Variants in ZNF385B observed in about 807,000 individuals in gnomAD.
ZNF385B encodes the protein zinc finger protein 533.
In ZNF385B, 23 loss-of-function variants were observed where a neutral mutation model predicts 39.2. The ratio of observed to expected loss-of-function variants is 0.59; its 90% CI spans 0.42 to 0.83. The LOEUF (loss-of-function observed/expected upper bound fraction) is 0.83. ZNF385B is among the 40% of genes least tolerant of loss of function. The pLI, the probability that ZNF385B is intolerant of heterozygous loss-of-function variation, is 0.00. For synonymous variants in ZNF385B, 205 were observed against 222.6 expected (o/e 0.92, Z 0.70); for missense variants, 552 against 598.9 (o/e 0.92, Z 0.82).
intron 4 of ZNF385B, among the ~76,000 whole-genome samples, chr2:179,538,012 A>G (rs1322459878): frequency 1.3e-4 from 20 of 152,236 alleles, no homozygotes; most frequent in African/African-American, 4.8e-4. Flanking sequence ...TTTTAGTTCT[A>G]TGCACTCCTT....
chr2:179,465,520 G>A (rs768146464), intron 6 of ZNF385B, among the ~76,000 whole-genome samples: 6 of 152,266 alleles, frequency 3.9e-5, no homozygotes, highest in African/African-American at 9.6e-5. Context: ...TAGTCCTCAC[G>A]TCAATTGATG....
At position 179,482,149 on chromosome 2, in the gene ZNF385B, A is replaced by G. The variant is rs187038097; in HGVS notation, c.715+1123T>C. Among the ~76,000 whole-genome samples the G allele has an allele frequency of 4.6e-4, 70 of 152,316 alleles. No individual in the cohort carries two copies. The Middle Eastern group carries it at 0.01, about 22-fold the overall frequency. On this transcript the variant is annotated intron_variant, in intron 6 of 9. Transcript: ENST00000410066. ...CAGCATCTACAGGGCCTAATCAATAATGGTCCCTTTTTCCATAGTCTCTTT... is the reference window on the plus strand; with the variant it reads ...CAGCATCTACAGGGCCTAATCAATAGTGGTCCCTTTTTCCATAGTCTCTTT...
intron 3 of ZNF385B, among the ~76,000 whole-genome samples, chr2:179,574,916 C>T (rs1483608620): frequency 1.3e-5 from 2 of 152,110 alleles, no homozygotes; most frequent in African/African-American, 4.8e-5. Context: ...TTTCTCTCTC[C>T]AGGCCCTCCT....
At chr2:179,538,711 A>G (rs902699899) in intron 4 of ZNF385B, among the ~76,000 whole-genome samples, 1 of 152,196 alleles carries the variant, frequency 6.6e-6, no homozygotes, top group Non-Finnish European at 1.5e-5. Flanking sequence ...CTCATGTCTC[A>G]GGAAAAAAAT....
chr2:179,544,323 T>TTAA (rs2060095460), intron 4 of ZNF385B, among the ~76,000 whole-genome samples: 1 of 152,214 alleles, frequency 6.6e-6, no homozygotes. Context: ...TTTCTTTTTC[T>TTAA]TAATAGAGTC....
At chr2:179,660,194 T>A (rs1165589085) in intron 3 of ZNF385B, 1 of 152,504 alleles carries the variant, frequency 6.6e-6, no homozygotes, top group Admixed American at 6.5e-5. Context: ...AGATTGAGTG[T>A]GAGCCTTCAC....
chr2:179,840,889 G>A (rs1708501600), intron 1 of ZNF385B, among the ~76,000 whole-genome samples: 1 of 152,198 alleles, frequency 6.6e-6, no homozygotes, highest in Non-Finnish European at 1.5e-5. Context: ...ACTTTGTGAA[G>A]CCCTGGGATA....
intron 4 of ZNF385B, chr2:179,536,521 C>A (rs183753140): frequency 1.4e-4 from 22 of 152,320 alleles, no homozygotes; most frequent in African/African-American, 5.3e-4. Context: ...CCTCTTTTCA[C>A]AGGCTCCTGA....
At chr2:179,624,336 T>A (rs1287339047) in intron 3 of ZNF385B, among the ~76,000 whole-genome samples, 1 of 152,202 alleles carries the variant, frequency 6.6e-6, no homozygotes, top group African/African-American at 2.4e-5. Flanking sequence ...TTTACTAGGA[T>A]GTTCTTTACT....
In ZNF385B at chr2:179,483,323, T is replaced by C. The variant is rs1209997959; in HGVS notation, c.664A>G (p.Asn222Asp). Residue 222 changes from asparagine to aspartate, a missense_variant, in exon 6 of 10, where the codon AAT becomes GAT. Physicochemically the swap from Asn to Asp is conservative, Grantham distance 23. Coordinates refer to ENST00000410066, the MANE Select transcript of ZNF385B (RefSeq NM_152520.6). ...MVPSKDSAKA[N>D]PSCSITPITG... Reference sequence around the variant, plus strand: ...ATTGGAGTGATGGAGCAGCTGGGATTAGCCTTTGCGCTGTCCTTGGAAGGA... The same window carrying C: ...ATTGGAGTGATGGAGCAGCTGGGATCAGCCTTTGCGCTGTCCTTGGAAGGA... The C allele has an allele frequency of 3.1e-6, 5 of 1,613,990 alleles. No individual in the cohort carries two copies. Among genetic ancestry groups the C allele is most frequent in the Admixed American group, 1.7e-5 (1 of 59,986 alleles).
At chr2:179,722,153 G>T (rs1700735810) in intron 3 of ZNF385B, among the ~76,000 whole-genome samples, 1 of 152,084 alleles carries the variant, frequency 6.6e-6, no homozygotes, top group East Asian at 1.9e-4. Context: ...ATAACGAGAT[G>T]TGTGAGCCAT....
intron 3 of ZNF385B, among the ~76,000 whole-genome samples, chr2:179,714,942 C>CAAAAAAAAAAAAAA (rs34449760): frequency 8.8e-5 from 7 of 79,250 alleles, no homozygotes; most frequent in African/African-American, 2.5e-4. Context: ...GATTCTATCT[C>CAAAAAAAAAAAAAA]AAAAAAAAAA....
At chr2:179,517,881 C>G (rs1020469115) in intron 5 of ZNF385B, among the ~76,000 whole-genome samples, 1 of 152,064 alleles carries the variant, frequency 6.6e-6, no homozygotes, top group Non-Finnish European at 1.5e-5. Flanking sequence ...TTATGCTTGA[C>G]AGATAAAATA....
At chr2:179,626,861 T>A (rs36017881) in intron 3 of ZNF385B, among the ~76,000 whole-genome samples, 23,375 of 152,128 alleles carry the variant, frequency 0.15, 1,945 homozygotes, top group East Asian at 0.25. Context: ...TGTTGAAACA[T>A]GATCAAAATT....
intron 3 of ZNF385B, among the ~76,000 whole-genome samples, chr2:179,670,117 C>T (rs1695725028): frequency 6.6e-6 from 1 of 151,832 alleles, no homozygotes; most frequent in Non-Finnish European, 1.5e-5. Flanking sequence ...CGGTGAAACC[C>T]CGTCTCTACT....
At chr2:179,577,357 T>A (rs192606046) in intron 3 of ZNF385B, among the ~76,000 whole-genome samples, 17 of 152,320 alleles carry the variant, frequency 1.1e-4, no homozygotes, top group Admixed American at 7.2e-4. Context: ...TGATATAAAG[T>A]TGATTATGTA....
chr2:179,697,250 C>T (rs1264136832), intron 3 of ZNF385B, among the ~76,000 whole-genome samples: 1 of 152,148 alleles, frequency 6.6e-6, no homozygotes, highest in Admixed American at 6.5e-5. Flanking sequence ...CCCAAACCTC[C>T]TCTTGAATTG....
At chr2:179,493,349 A>G (rs912140814) in intron 5 of ZNF385B, among the ~76,000 whole-genome samples, 1 of 145,156 alleles carries the variant, frequency 6.9e-6, no homozygotes, top group Admixed American at 7.3e-5. Context: ...TGTATATGGC[A>G]TGTATATATA....
At chr2:179,535,878 G>C (rs189375566) in intron 4 of ZNF385B, among the ~76,000 whole-genome samples, 35 of 152,234 alleles carry the variant, frequency 2.3e-4, no homozygotes, top group Non-Finnish European at 2.9e-5. Flanking sequence ...ATATTCCAAA[G>C]CATGTCTCTC....
Sources: gnomAD v4.1 joint callset for allele counts (sites outside exome capture counted in the v4.1 genomes callset) on GRCh38, gnomAD v4.1.1 for gene constraint, MANE v1.5 for transcripts, NCBI Gene and HGNC (gene_info 2026-07-23, HGNC 2026-07-21) for gene names.